Variants in RELN observed in about 807,000 individuals in gnomAD.
RELN encodes the protein reelin.
Under a neutral mutation model 427.6 loss-of-function variants are expected in RELN, and 108 were observed. The observed-to-expected ratio is 0.25, with a 90% CI of 0.22 to 0.30. The LOEUF is 0.30. RELN is among the 10% of genes least tolerant of loss of function. The pLI is 1.00. For missense variants in RELN, 3,715 were observed against 4,302.8 expected, an observed-to-expected ratio of 0.86 and a Z score of 3.82; for synonymous variants, 1,524 against 1,513.4, an observed-to-expected ratio of 1.01 and a Z score of -0.16.
At chr7:103,841,687 G>A (rs1369290094) in intron 2 of RELN, among the ~76,000 whole-genome samples, 1 of 152,028 alleles carries the variant, frequency 6.6e-6, no homozygotes, top group East Asian at 1.9e-4. Context: ...GTAACTAGAA[G>A]TTCTATGATC....
intron 2 of RELN, among the ~76,000 whole-genome samples, chr7:103,887,970 G>A (rs974623152): frequency 3.0e-4 from 45 of 152,064 alleles, no homozygotes; most frequent in Admixed American, 2.9e-3. Flanking sequence ...GAAAACCCTT[G>A]GTGACATGGA....
intron 63 of RELN, chr7:103,481,867 C>A (rs565079372): frequency 6.6e-6 from 1 of 152,312 alleles, no homozygotes; most frequent in Non-Finnish European, 1.5e-5. Context: ...CTTTAAACTT[C>A]AACTTTGTCT....
chr7:103,513,581 A>G (rs1829482409), intron 50 of RELN: 1 of 152,152 alleles, frequency 6.6e-6, no homozygotes, highest in South Asian at 2.1e-4. Context: ...AGCTTTTTCT[A>G]TTTACAAGTT....
At chr7:103,540,116 G>C in intron 44 of RELN, 81 bp downstream of exon 44, 1 of 1,502,420 alleles carries the variant, frequency 6.7e-7, no homozygotes. Context: ...TACTGAGCAA[G>C]CAGGTTGAAC....
At chr7:103,699,933 G>C (rs17287090) in intron 9 of RELN, among the ~76,000 whole-genome samples, 7,977 of 151,996 alleles carry the variant, frequency 0.052, 284 homozygotes, top group Middle Eastern at 0.082. Context: ...GATTTGTGAA[G>C]TTTTTATTTT....
At chr7:103,883,268 T>C (rs542876391) in intron 2 of RELN, among the ~76,000 whole-genome samples, 20 of 152,278 alleles carry the variant, frequency 1.3e-4, no homozygotes, top group Admixed American at 6.5e-4. Context: ...AACTGGGTAT[T>C]GATGGAACAT....
chr7:103,805,053 T>C (rs1052572976), intron 3 of RELN, among the ~76,000 whole-genome samples: 4 of 149,072 alleles, frequency 2.7e-5, no homozygotes, highest in Admixed American at 6.8e-5. Context: ...GTATATAATA[T>C]ATATTCCCTC....
chr7:103,896,658 G>A (rs1188222886), intron 2 of RELN, among the ~76,000 whole-genome samples: 2 of 151,948 alleles, frequency 1.3e-5, no homozygotes, highest in South Asian at 2.1e-4. Flanking sequence ...GTAATGATAG[G>A]GAAGGGCTGG....
At chr7:103,588,476 T>C (rs1265768220) in intron 28 of RELN, among the ~76,000 whole-genome samples, 1 of 152,142 alleles carries the variant, frequency 6.6e-6, no homozygotes, top group African/African-American at 2.4e-5. Flanking sequence ...CAATGCTTGA[T>C]AGCAGAGAAG....
At chr7:103,811,306 C>T (rs1792738140) in intron 3 of RELN, among the ~76,000 whole-genome samples, 1 of 152,106 alleles carries the variant, frequency 6.6e-6, no homozygotes, top group African/African-American at 2.4e-5. Flanking sequence ...CTATTATTTT[C>T]ACCTGGTGCA....
At chr7:103,481,804 A>G (rs531625308) in intron 63 of RELN, 3 of 152,348 alleles carry the variant, frequency 2.0e-5, no homozygotes, top group Admixed American at 1.3e-4. Context: ...GGAAATCAGT[A>G]TCTAAGTAAA....
At chr7:103,775,615 C>T (rs895638684) in intron 4 of RELN, among the ~76,000 whole-genome samples, 2 of 152,082 alleles carry the variant, frequency 1.3e-5, no homozygotes, top group African/African-American at 4.8e-5. Flanking sequence ...AATTCCCCCC[C>T]AAATGTCATT....
At chr7:103,856,298 C>T (rs1232114863) in intron 2 of RELN, among the ~76,000 whole-genome samples, 3 of 151,954 alleles carry the variant, frequency 2.0e-5, no homozygotes, top group Non-Finnish European at 4.4e-5. Context: ...CAAATATGGG[C>T]TGGGCGCGGT....
intron 4 of RELN, among the ~76,000 whole-genome samples, chr7:103,773,152 CTTTCTTTCTT>C (rs1418409271): frequency 4.8e-4 from 59 of 123,548 alleles, no homozygotes; most frequent in African/African-American, 1.8e-3. Flanking sequence ...TTCTTTCTTT[CTTTCTTTCTT>C]TCTTTTTCTT....
chr7:103,774,379 G>A (rs1041767890), intron 4 of RELN, among the ~76,000 whole-genome samples: 11 of 151,508 alleles, frequency 7.3e-5, no homozygotes, highest in Admixed American at 2.0e-4. Context: ...GACATAATGA[G>A]TACATTTTCT....
At chr7:103,558,162 A>G (rs1430562031) in intron 36 of RELN, 113 bp from the exon 37 acceptor site, 1 of 659,562 alleles carries the variant, frequency 1.5e-6, no homozygotes, top group African/African-American at 1.8e-5. Context: ...TATCATGATC[A>G]AGAAGCAAAT....
At chr7:103,986,600 C>T (rs1797101835) in intron 1 of RELN, among the ~76,000 whole-genome samples, 1 of 143,692 alleles carries the variant, frequency 7.0e-6, no homozygotes, top group Admixed American at 7.2e-5. Context: ...ATTGTGCACA[C>T]CACCTCTATC....
rs773590902 is a variant in RELN, at chr7:103,491,897, A to C, written c.9443+56T>G. The C allele has an allele frequency of 6.7e-5, 56 of 829,850 alleles. 1 individual carries two copies. Among genetic ancestry groups the C allele is most frequent in the Non-Finnish European group, 8.7e-5 (47 of 542,264 alleles). The allele number at this position is 829,850 out of a possible 1,614,324, so 51.4% of individuals were successfully genotyped here. A position where few individuals can be genotyped will look rare whatever the true frequency, so the allele number is the denominator to read the frequency against. On this transcript the variant is annotated intron_variant, in intron 58 of 64. Transcript: ENST00000428762. ...ACACACACACACACACACACACACA[A>C]CGATTTGGATGGGGTATTCAAGTTT...
chr7:103,694,713 T>A (rs1211383249), intron 10 of RELN, among the ~76,000 whole-genome samples: 3 of 151,594 alleles, frequency 2.0e-5, no homozygotes, highest in Non-Finnish European at 2.9e-5. Context: ...ACCTTGGAAA[T>A]TTTTTTTTCA....
Sources: allele counts gnomAD v4.1 joint callset (sites outside exome capture counted in the v4.1 genomes callset), GRCh38; gene constraint gnomAD v4.1.1; transcripts MANE v1.5; gene names NCBI Gene and HGNC (gene_info 2026-07-23, HGNC 2026-07-21).